BMPER: variants seen among roughly 807,000 people sequenced by gnomAD.
BMPER encodes the protein BMP binding endothelial regulator, also known as BMP-binding endothelial regulator protein.
In BMPER, 45 loss-of-function variants were observed where a neutral mutation model predicts 87.3. That is an observed-to-expected ratio of 0.52 (90% CI 0.41 to 0.66). The LOEUF is 0.66. Ranked by LOEUF, BMPER falls within the 30% of genes least tolerant of loss-of-function variation. The pLI is 0.00. For synonymous variants in BMPER, 326 were observed against 316.2 expected (o/e 1.03, Z -0.33); for missense variants, 784 against 867.5 (o/e 0.90, Z 1.21).
intron 5 of BMPER, among the ~76,000 whole-genome samples, chr7:33,970,884 C>G (rs1287438234): frequency 6.6e-6 from 1 of 152,004 alleles, no homozygotes; most frequent in Non-Finnish European, 1.5e-5. Context: ...AAGGTGGACC[C>G]TCTTGTCTTT....
At chr7:34,081,716 T>G (rs1789053538) in intron 12 of BMPER, among the ~76,000 whole-genome samples, 1 of 152,186 alleles carries the variant, frequency 6.6e-6, no homozygotes, top group South Asian at 2.1e-4. Context: ...CATTAACACA[T>G]GGAGAGCATG....
intron 13 of BMPER, among the ~76,000 whole-genome samples, chr7:34,134,282 T>C (rs900079014): frequency 3.3e-5 from 5 of 152,218 alleles, no homozygotes; most frequent in African/African-American, 1.2e-4. Context: ...ATGTTCTTTT[T>C]TATCAGCCAG....
At chr7:34,018,566 G>T (rs542232053) in intron 6 of BMPER, among the ~76,000 whole-genome samples, 1 of 151,930 alleles carries the variant, frequency 6.6e-6, no homozygotes, top group Non-Finnish European at 1.5e-5. Context: ...ACACCAAGAC[G>T]AGTCGGCTGT....
chr7:34,039,834 G>T (rs1195226213), intron 6 of BMPER, among the ~76,000 whole-genome samples: 1 of 152,094 alleles, frequency 6.6e-6, no homozygotes, highest in Non-Finnish European at 1.5e-5. Flanking sequence ...AGGGTGGGCT[G>T]AAAGCTGAGT....
At chr7:34,036,308 G>C (rs2127953418) in intron 6 of BMPER, among the ~76,000 whole-genome samples, 1 of 152,178 alleles carries the variant, frequency 6.6e-6, no homozygotes, top group African/African-American at 2.4e-5. Flanking sequence ...TTGTTTGTTT[G>C]TTTCTGGGCA....
At chr7:33,994,427 T>C (rs1786337860) in intron 6 of BMPER, among the ~76,000 whole-genome samples, 1 of 152,202 alleles carries the variant, frequency 6.6e-6, no homozygotes, top group Admixed American at 6.5e-5. Context: ...GAAAGGGAAC[T>C]CCCTGACCCC....
rs183499349 is a variant in BMPER, at chr7:33,908,104, T to C, written c.219+1201T>C. The stretch of plus-strand genomic sequence containing the variant: ...TTATGATTGCATATTTATGGGTTGC[T>C]GTGTTCATTGATGATCTTTTAGTAA... On this transcript the variant is annotated intron_variant, in intron 2 of 14. Coordinates refer to ENST00000649409, the MANE Select transcript of BMPER (RefSeq NM_001365308.1). 7.1e-3 allele frequency among the ~76,000 whole-genome samples: 1,086 copies of C among 152,346 alleles called. 14 individuals carry two copies. Among genetic ancestry groups the C allele is most frequent in the African/African-American group, 0.024 (1,016 of 41,590 alleles).
chr7:34,051,684 C>A (rs906287350), intron 7 of BMPER, among the ~76,000 whole-genome samples, 177 bp from the exon 8 acceptor site: 1 of 152,144 alleles, frequency 6.6e-6, no homozygotes, highest in Admixed American at 6.6e-5. Context: ...CAAACTTTAT[C>A]CCAACTAATG....
chr7:33,952,100 A>AT (rs1259025539), intron 3 of BMPER, among the ~76,000 whole-genome samples: 1 of 152,128 alleles, frequency 6.6e-6, no homozygotes, highest in African/African-American at 2.4e-5. Flanking sequence ...AGATCTTTCA[A>AT]TTTTTTGTGC....
intron 6 of BMPER, among the ~76,000 whole-genome samples, chr7:34,030,363 A>G (rs1324625846): frequency 2.0e-5 from 3 of 152,146 alleles, no homozygotes; most frequent in Non-Finnish European, 4.4e-5. Flanking sequence ...AATATGTTCA[A>G]GTGCCATGGC....
intron 3 of BMPER, among the ~76,000 whole-genome samples, chr7:33,963,075 A>G (rs1472861248): frequency 6.6e-6 from 1 of 152,224 alleles, no homozygotes; most frequent in Non-Finnish European, 1.5e-5. Flanking sequence ...TTCTAGTGTT[A>G]GTTTCATATC....
chr7:33,972,728 T>C (rs1785580877), intron 5 of BMPER, among the ~76,000 whole-genome samples: 1 of 152,182 alleles, frequency 6.6e-6, no homozygotes, highest in Non-Finnish European at 1.5e-5. Flanking sequence ...GGCAAATCTT[T>C]AAGAATTGGC....
chr7:34,147,138 G>C (rs1226203107), intron 14 of BMPER, among the ~76,000 whole-genome samples: 1 of 152,182 alleles, frequency 6.6e-6, no homozygotes, highest in Non-Finnish European at 1.5e-5. Flanking sequence ...TATGTGAACA[G>C]TTTTCTTCCT....
intron 13 of BMPER, among the ~76,000 whole-genome samples, chr7:34,105,770 C>T (rs928498998): frequency 2.0e-5 from 3 of 152,140 alleles, no homozygotes; most frequent in East Asian, 1.9e-4. Context: ...ACTGGGGACA[C>T]GTCTTCTTTC....
chr7:33,969,153 C>T (rs1407785397), intron 4 of BMPER, among the ~76,000 whole-genome samples: 1 of 152,092 alleles, frequency 6.6e-6, no homozygotes. Context: ...TGGTAGCAGA[C>T]ACGATGAAGA....
At chr7:34,139,363 A>G (rs899979652) in intron 13 of BMPER, among the ~76,000 whole-genome samples, 2 of 152,218 alleles carry the variant, frequency 1.3e-5, no homozygotes, top group Admixed American at 6.5e-5. Flanking sequence ...AGAAGCTCTC[A>G]TTTACTCCCA....
At chr7:33,975,199 A>G (rs1006432491) in intron 6 of BMPER, among the ~76,000 whole-genome samples, 1 of 152,126 alleles carries the variant, frequency 6.6e-6, no homozygotes, top group Non-Finnish European at 1.5e-5. Context: ...GGGGGAAAGC[A>G]TGGATTTTCT....
intron 13 of BMPER, among the ~76,000 whole-genome samples, chr7:34,107,350 A>G (rs910553898): frequency 2.6e-5 from 4 of 152,204 alleles, no homozygotes; most frequent in South Asian, 2.1e-4. Flanking sequence ...GGAGATGCCA[A>G]TTTGGATGAG....
At chr7:33,991,488 C>G (rs199627588) in intron 6 of BMPER, among the ~76,000 whole-genome samples, 12,846 of 152,062 alleles carry the variant, frequency 0.084, 540 homozygotes, top group Middle Eastern at 0.12. Context: ...TTTATTGCAT[C>G]TATTTGATTC....
Sources: gnomAD v4.1 joint callset for allele counts (sites outside exome capture counted in the v4.1 genomes callset) on GRCh38, gnomAD v4.1.1 for gene constraint, MANE v1.5 for transcripts, NCBI Gene and HGNC (gene_info 2026-07-23, HGNC 2026-07-21) for gene names.